PCLO: variants seen among roughly 807,000 people sequenced by gnomAD.
PCLO encodes the protein protein piccolo.
A neutral mutation model predicts 427.5 loss-of-function variants in PCLO; 82 were observed. The observed-to-expected ratio is 0.19, with a 90% CI of 0.16 to 0.23. The LOEUF is 0.23. Ranked by LOEUF, PCLO falls within the 10% of genes least tolerant of loss-of-function variation. PCLO has a pLI of 1.00. For synonymous variants in PCLO, 2,357 were observed against 2,155.4 expected, an observed-to-expected ratio of 1.09 and a Z score of -2.59; for missense variants, 6,239 against 6,115.9, an observed-to-expected ratio of 1.02 and a Z score of -0.67.
At chr7:83,101,755 G>A (rs1300892664) in intron 3 of PCLO, among the ~76,000 whole-genome samples, 5 of 152,044 alleles carry the variant, frequency 3.3e-5, no homozygotes, top group Non-Finnish European at 2.9e-5. Flanking sequence ...TGCCAATCAC[G>A]AGGCAATCCT....
chr7:82,891,475 C>A (rs565660718), intron 9 of PCLO, among the ~76,000 whole-genome samples: 2 of 152,144 alleles, frequency 1.3e-5, no homozygotes, highest in South Asian at 4.1e-4. Flanking sequence ...ACCATGTCAT[C>A]TGCAAAAAGG....
At chr7:82,980,846 T>C (rs28550010) in intron 3 of PCLO, among the ~76,000 whole-genome samples, 11,218 of 152,134 alleles carry the variant, frequency 0.074, 1,408 homozygotes, top group African/African-American at 0.26. Flanking sequence ...GGGGGAAGGC[T>C]AGAATATGTT....
In PCLO at chr7:82,806,093, A is replaced by G. The variant is rs1791452412; in HGVS notation, c.14792-264T>C. On this transcript the variant is annotated intron_variant, in intron 20 of 24. Transcript: ENST00000333891. ...ATTTAATTTTTAGACCAAGTTAAAT[A>G]GTATGTAACTATGCTACTATTATTA... is the stretch of plus-strand genomic sequence containing the variant. 2.0e-5 allele frequency among the ~76,000 whole-genome samples: 3 copies of G among 152,212 alleles called. No homozygotes were observed. The South Asian group carries it at 6.2e-4, about 32-fold the overall frequency.
intron 10 of PCLO, among the ~76,000 whole-genome samples, chr7:82,851,401 T>C (rs1167161822): frequency 1.3e-5 from 2 of 152,024 alleles, no homozygotes; most frequent in African/African-American, 4.8e-5. Flanking sequence ...AAACAGGATC[T>C]GACCTATAGG....
rs1359032206 is a variant in PCLO at position 83,157,031 on chromosome 7, T to C, written c.249-639A>G. On this transcript the variant is annotated intron_variant, in intron 1 of 24. Coordinates refer to ENST00000333891, the MANE Select transcript of PCLO (RefSeq NM_033026.6). ...TTTCCCAGGAATGCTAAAAAGTTTATAATCTATTTAATTTTACTTGGGCTT... is the reference window on the plus strand; with the variant it reads ...TTTCCCAGGAATGCTAAAAAGTTTACAATCTATTTAATTTTACTTGGGCTT... Among the ~76,000 whole-genome samples the C allele has an allele frequency of 3.3e-5, 5 of 152,278 alleles. No individual in the cohort carries two copies. In the East Asian group the frequency reaches 9.6e-4, roughly 29 times the overall value.
chr7:82,949,831 G>C lies in PCLO; in HGVS notation c.10757C>G (p.Pro3586Arg). 6.2e-7 allele frequency: 1 copy of C among 1,613,728 alleles called. No individual in the cohort carries two copies. Among genetic ancestry groups the C allele is most frequent in the Non-Finnish European group, 8.5e-7 (1 of 1,179,824 alleles). ...TGTTGGGCGTTTCTTGTCTTTGGGT[G>C]GAGATGTGGCACTCAGATATTGAGG... ...QSPQYLSATS[P>R]PKDKKRPTPL... Residue 3586 changes from proline to arginine, a missense_variant, in exon 6 of 25, where the codon CCA becomes CGA. This residue lies in a region of PCLO where 4,677 missense variants were observed against 4,468.4 expected (regional missense o/e 1.05). Transcript: ENST00000333891.
chr7:82,872,780 G>A (rs1041882668), intron 10 of PCLO, among the ~76,000 whole-genome samples: 12 of 152,230 alleles, frequency 7.9e-5, no homozygotes, highest in African/African-American at 2.6e-4. Context: ...GAGACATACA[G>A]TAACAGAATT....
intron 3 of PCLO, among the ~76,000 whole-genome samples, chr7:83,075,132 G>A (rs548362077): frequency 7.9e-5 from 12 of 152,182 alleles, no homozygotes; most frequent in Non-Finnish European, 1.5e-4. Flanking sequence ...AAATGTACCG[G>A]TTTGAAAAAG....
At position 82,834,984 on chromosome 7, in the gene PCLO, T is replaced by G. The variant is rs555011737; in HGVS notation, c.14249+683A>C. 2.0e-5 allele frequency among the ~76,000 whole-genome samples: 3 copies of G among 151,466 alleles called. No individual in the cohort carries two copies. The East Asian group carries it at 5.8e-4, about 29-fold the overall frequency. On this transcript the variant is annotated intron_variant, in intron 16 of 24. Transcript: ENST00000333891. ...TGTTTGTTTGTTTGTTTGTTTGTTT[T>G]TTGAGGCTGGAGTGCAGGGGTGCGA...
chr7:83,134,510 G>C lies in PCLO; in HGVS notation c.3040C>G (p.Gln1014Glu). Residue 1014 changes from glutamine to glutamate, a missense_variant, in exon 3 of 25, where the codon CAA (glutamine) becomes GAA (glutamate). Coordinates refer to ENST00000333891, the MANE Select transcript of PCLO (RefSeq NM_033026.6). ...TCTGTTCTTTTTACTGTTGGAGCTT[G>C]TTCAGCTTTGGGCTCTAATTTTTCA... is the stretch of plus-strand genomic sequence containing the variant. ...AAEKLEPKAEQAPTVKRTETE... is the reference protein window; with the variant it reads ...AAEKLEPKAEEAPTVKRTETE... 1 of 1,613,916 alleles carries C rather than the reference G, an allele frequency of 6.2e-7. No homozygotes were observed. Among genetic ancestry groups the C allele is most frequent in the Non-Finnish European group, 8.5e-7 (1 of 1,179,866 alleles).
chr7:83,000,324 G>T (rs1787789926), intron 3 of PCLO, among the ~76,000 whole-genome samples: 1 of 150,318 alleles, frequency 6.7e-6, no homozygotes, highest in Admixed American at 6.7e-5. Context: ...CCAGAGTATA[G>T]AATTCTATAC....
intron 3 of PCLO, among the ~76,000 whole-genome samples, chr7:83,078,520 A>G (rs1431045693): frequency 1.2e-5 from 1 of 86,800 alleles, no homozygotes; most frequent in Non-Finnish European, 2.2e-5. Context: ...TGTTGCTAGC[A>G]TTATTATTAT....
chr7:82,817,250 A>AT (rs921602450), intron 20 of PCLO, among the ~76,000 whole-genome samples: 3 of 152,148 alleles, frequency 2.0e-5, no homozygotes, highest in African/African-American at 7.2e-5. Flanking sequence ...GGTTTAAAAA[A>AT]TTTTTTTGCA....
Position 83,047,092 on chromosome 7 carries a change from C to T in PCLO, c.3301-80605G>A, listed in dbSNP as rs539565905. Among the ~76,000 whole-genome samples the T allele has an allele frequency of 7.9e-5, 12 of 152,100 alleles. No homozygotes were observed. In the South Asian group the frequency reaches 2.1e-3, roughly 26 times the overall value. On this transcript the variant is annotated intron_variant, in intron 3 of 24. Coordinates refer to ENST00000333891, the MANE Select transcript of PCLO (RefSeq NM_033026.6). ...GCCAAAAAAGGAAACAGGTCAAACT[C>T]CTAAGTACTAAATGTAGATAAGCAA...
chr7:82,951,449 G>A lies in PCLO; in HGVS notation c.9139C>T (p.Pro3047Ser). The change falls in exon 6 of 25, where the codon CCA becomes TCA. Residue 3047 changes from proline to serine, a missense_variant. By Grantham distance (74) the Pro-to-Ser change is moderately conservative. Transcript: ENST00000333891. ...DYSSKTTGPY[P>S]ETRQVISGAG... ...CCTGAAATGACTTGTCGTGTTTCTG[G>A]ATATGGACCTGTAGTCTTGCTTGAA... The A allele has an allele frequency of 6.3e-7, 1 of 1,586,488 alleles. No homozygotes were observed. The highest frequency in any genetic ancestry group is 8.6e-7 in the Non-Finnish European group (1 of 1,165,082).
intron 3 of PCLO, among the ~76,000 whole-genome samples, chr7:83,116,857 C>A (rs904830177): frequency 6.6e-6 from 1 of 152,094 alleles, no homozygotes; most frequent in Non-Finnish European, 1.5e-5. Flanking sequence ...TCTAAAATTA[C>A]ACATGAGGGA....
chr7:83,091,493 T>C (rs1790377424), intron 3 of PCLO, among the ~76,000 whole-genome samples: 1 of 152,096 alleles, frequency 6.6e-6, no homozygotes, highest in Non-Finnish European at 1.5e-5. Flanking sequence ...ATTTTGAGAA[T>C]TACTCAAAAT....
chr7:83,102,714 T>C (rs1467602069), intron 3 of PCLO, among the ~76,000 whole-genome samples: 1 of 151,902 alleles, frequency 6.6e-6, no homozygotes, highest in African/African-American at 2.4e-5. Flanking sequence ...ATTGGATACA[T>C]TTCTTATTGA....
intron 2 of PCLO, among the ~76,000 whole-genome samples, chr7:83,147,812 C>G (rs1385419203): frequency 1.3e-5 from 2 of 152,028 alleles, no homozygotes; most frequent in East Asian, 3.8e-4. Flanking sequence ...AAGTAAAAGC[C>G]TCCCTCACTA....
Sources: allele counts gnomAD v4.1 joint callset (sites outside exome capture counted in the v4.1 genomes callset), GRCh38; gene constraint gnomAD v4.1.1; regional missense constraint gnomAD v4.1.1; transcripts MANE v1.5; gene names NCBI Gene and HGNC (gene_info 2026-07-23, HGNC 2026-07-21).